Variants in CNTNAP5 observed in about 807,000 individuals in gnomAD.
CNTNAP5 encodes contactin-associated protein-like 5.
A neutral mutation model predicts 150.2 loss-of-function variants in CNTNAP5; 72 were observed. The observed-to-expected ratio is 0.48, with a 90% CI of 0.40 to 0.58. The LOEUF (loss-of-function observed/expected upper bound fraction) is 0.58. CNTNAP5 is among the 20% of genes least tolerant of loss of function. The pLI, the probability that CNTNAP5 is intolerant of heterozygous loss-of-function variation, is 0.00. For missense variants in CNTNAP5, 1,636 were observed against 1,626.2 expected, an observed-to-expected ratio of 1.01 and a Z score of -0.10; for synonymous variants, 672 against 619.8, an observed-to-expected ratio of 1.08 and a Z score of -1.25.
intron 11 of CNTNAP5, among the ~76,000 whole-genome samples, chr2:124,574,363 G>T (rs183161839): frequency 6.6e-6 from 1 of 152,298 alleles, no homozygotes; most frequent in East Asian, 1.9e-4. Context: ...CTAGCAGCAT[G>T]ACTCAGAATA....
At chr2:124,115,139 T>G (rs1169099525) in intron 1 of CNTNAP5, among the ~76,000 whole-genome samples, 2 of 152,102 alleles carry the variant, frequency 1.3e-5, no homozygotes, top group Admixed American at 1.3e-4. Context: ...TAGAATCATT[T>G]GACTATTATA....
chr2:124,321,358 A>G (rs554095143), intron 3 of CNTNAP5, among the ~76,000 whole-genome samples: 71 of 151,840 alleles, frequency 4.7e-4, no homozygotes, highest in African/African-American at 1.6e-3. Context: ...TAGGAGAATC[A>G]CTTGAACCTG....
intron 17 of CNTNAP5, among the ~76,000 whole-genome samples, chr2:124,785,415 T>A (rs191186114): frequency 8.5e-5 from 13 of 152,306 alleles, no homozygotes; most frequent in African/African-American, 3.1e-4. Context: ...TTTTGTGTTT[T>A]AAAAAATTGA....
At chr2:124,594,821 G>C (rs539222214) in intron 11 of CNTNAP5, among the ~76,000 whole-genome samples, 76 of 108,588 alleles carry the variant, frequency 7.0e-4, no homozygotes, top group African/African-American at 2.4e-3. Context: ...CTTGAGCAGT[G>C]GTTTGTAATT....
intron 3 of CNTNAP5, among the ~76,000 whole-genome samples, chr2:124,347,668 T>A (rs1689773660): frequency 6.6e-6 from 1 of 152,210 alleles, no homozygotes; most frequent in South Asian, 2.1e-4. Context: ...TTCTATTTAA[T>A]ATGACACTTT....
chr2:124,290,793 T>C (rs1436281083), intron 3 of CNTNAP5, among the ~76,000 whole-genome samples: 1 of 152,174 alleles, frequency 6.6e-6, no homozygotes, highest in Non-Finnish European at 1.5e-5. Context: ...AGTTACAGAA[T>C]GGGCCCTCCT....
intron 19 of CNTNAP5, among the ~76,000 whole-genome samples, chr2:124,803,787 C>T (rs1682022723): frequency 6.6e-6 from 1 of 152,166 alleles, no homozygotes; most frequent in African/African-American, 2.4e-5. Context: ...GGAGCATTTT[C>T]AAAACACAAA....
intron 10 of CNTNAP5, among the ~76,000 whole-genome samples, chr2:124,537,084 C>T (rs1346417999): frequency 6.6e-6 from 1 of 152,002 alleles, no homozygotes; most frequent in Non-Finnish European, 1.5e-5. Context: ...GACTAATCTT[C>T]ACCACAATGT....
chr2:124,329,448 GAGA>G (rs1293289487), intron 3 of CNTNAP5, among the ~76,000 whole-genome samples: 4 of 152,266 alleles, frequency 2.6e-5, no homozygotes, highest in East Asian at 3.9e-4. Flanking sequence ...TGAGAAATAA[GAGA>G]AGGTTAGAAA....
chr2:124,827,054 A>G (rs148057212), intron 19 of CNTNAP5, among the ~76,000 whole-genome samples: 401 of 152,186 alleles, frequency 2.6e-3, no homozygotes, highest in Non-Finnish European at 4.9e-3. Context: ...TTGAGTCGCT[A>G]GGGCCACAGG....
chr2:124,895,079 G>C (rs1678275333), intron 21 of CNTNAP5, among the ~76,000 whole-genome samples: 1 of 151,560 alleles, frequency 6.6e-6, no homozygotes, highest in Admixed American at 6.6e-5. Context: ...TTAGTGTTCA[G>C]TTGAAATAAT....
At chr2:124,667,310 G>A (rs968827185) in intron 13 of CNTNAP5, among the ~76,000 whole-genome samples, 3 of 152,314 alleles carry the variant, frequency 2.0e-5, no homozygotes, top group Non-Finnish European at 2.9e-5. Flanking sequence ...TAATGTACAC[G>A]TGTGTACTCC....
chr2:124,668,288 GGATCTCCTTCT>G (rs1490007191), intron 13 of CNTNAP5, among the ~76,000 whole-genome samples: 2 of 152,310 alleles, frequency 1.3e-5, no homozygotes, highest in East Asian at 3.9e-4. Context: ...ACTAGGTTAT[GGATCTCCTTCT>G]CCCTGAGGGA....
intron 22 of CNTNAP5, among the ~76,000 whole-genome samples, chr2:124,907,490 TATAG>T (rs955917869): frequency 2.7e-5 from 4 of 148,570 alleles, no homozygotes; most frequent in African/African-American, 9.8e-5. Context: ...AGAATAGATA[TATAG>T]ATATAGATAT....
At chr2:124,729,215 A>G (rs887891652) in intron 13 of CNTNAP5, among the ~76,000 whole-genome samples, 3 of 151,964 alleles carry the variant, frequency 2.0e-5, no homozygotes, top group African/African-American at 7.2e-5. Context: ...GAATTTCAGG[A>G]CCTCCTTTGA....
chr2:124,773,107 T>A (rs183729364), intron 17 of CNTNAP5, 90 bp downstream of exon 17: 18 of 924,058 alleles, frequency 1.9e-5, no homozygotes, highest in South Asian at 4.2e-5. Context: ...TTATCTGAGA[T>A]CTGGGATATG....
At chr2:124,428,924 A>G (rs1692303545) in intron 4 of CNTNAP5, among the ~76,000 whole-genome samples, 1 of 152,176 alleles carries the variant, frequency 6.6e-6, no homozygotes, top group Admixed American at 6.5e-5. Flanking sequence ...CCCATCTGCC[A>G]TAAAGAGCCC....
intron 1 of CNTNAP5, among the ~76,000 whole-genome samples, chr2:124,073,768 G>A (rs1338488621): frequency 6.6e-6 from 1 of 152,090 alleles, no homozygotes; most frequent in Non-Finnish European, 1.5e-5. Context: ...CCACTATGGA[G>A]AAGGTTTGAA....
At chr2:124,826,361 G>A (rs1682592867) in intron 19 of CNTNAP5, among the ~76,000 whole-genome samples, 1 of 151,948 alleles carries the variant, frequency 6.6e-6, no homozygotes, top group African/African-American at 2.4e-5. Flanking sequence ...GATTGAGTAG[G>A]CTTACCATTG....
Sources: gnomAD v4.1 joint callset for allele counts (sites outside exome capture counted in the v4.1 genomes callset) on GRCh38, gnomAD v4.1.1 for gene constraint, MANE v1.5 for transcripts, NCBI Gene and HGNC (gene_info 2026-07-23, HGNC 2026-07-21) for gene names.